Variants in PCDHGB1 observed in about 807,000 individuals in gnomAD.
PCDHGB1 encodes the protein protocadherin gamma subfamily B, 1, also known as protocadherin gamma-B1.
Under a neutral mutation model 56.6 loss-of-function variants are expected in PCDHGB1, and 34 were observed. The ratio of observed to expected loss-of-function variants is 0.60; its 90% CI spans 0.46 to 0.80. The LOEUF is 0.80. Ranked by LOEUF, PCDHGB1 falls within the 30% of genes least tolerant of loss-of-function variation. The pLI, the probability that PCDHGB1 is intolerant of heterozygous loss-of-function variation, is 0.00. For synonymous variants in PCDHGB1, 561 were observed against 505.9 expected (o/e 1.11, Z -1.46); for missense variants, 1,278 against 1,204.6 (o/e 1.06, Z -0.90).
At chr5:141,392,721 G>A (rs1169584002) in intron 1 of PCDHGB1, 25 of 1,390,348 alleles carry the variant, frequency 1.8e-5, no homozygotes, top group South Asian at 3.2e-5. Context: ...CAGGTTTCCG[G>A]AGGATTGTCA....
chr5:141,476,225 A>G lies in PCDHGB1; in HGVS notation c.2410-18582A>G, dbSNP rs1414835001. ...GGCTTCCACGGTCATTCACTATGAG[A>G]TCCCGGAGGAAAGAGAGAAGGGTTT... On this transcript the variant is annotated intron_variant, in intron 1 of 3. Transcript: ENST00000523390. This position sits in a 1 kb window ranked among gnomAD's most constrained non-coding sequence, Gnocchi z 7.6. 3 of 1,613,882 alleles carry G rather than the reference A, an allele frequency of 1.9e-6. No homozygotes were observed. The highest frequency in any genetic ancestry group is 2.5e-6 in the Non-Finnish European group (3 of 1,180,012).
chr5:141,367,606 T>A (rs1765261229), intron 1 of PCDHGB1: 1 of 152,056 alleles, frequency 6.6e-6, no homozygotes, highest in African/African-American at 2.4e-5. Context: ...ATATTAATGA[T>A]AACATGTAGC....
chr5:141,430,413 A>G lies in PCDHGB1; in HGVS notation c.2410-64394A>G, dbSNP rs1437560579. ...AAAAAAAAAGCTCACTAAAGTTTCTATTAAAGCGAATACGGTAGATTTCCA... is the reference window on the plus strand; with the variant it reads ...AAAAAAAAAGCTCACTAAAGTTTCTGTTAAAGCGAATACGGTAGATTTCCA... On this transcript the variant is annotated intron_variant, in intron 1 of 3. Coordinates refer to ENST00000523390, the MANE Select transcript of PCDHGB1 (RefSeq NM_018922.3). Among the ~76,000 whole-genome samples the G allele has an allele frequency of 2.0e-5, 3 of 151,870 alleles. No homozygotes were observed. In the South Asian group the frequency reaches 6.2e-4, roughly 31 times the overall value.
intron 1 of PCDHGB1, chr5:141,418,890 G>A (rs1449142412): frequency 1.9e-6 from 3 of 1,613,934 alleles, no homozygotes; most frequent in Non-Finnish European, 2.5e-6. Flanking sequence ...AACGACAACA[G>A]CCCAGAAATA....
chr5:141,354,460 C>T (rs1759547472), intron 1 of PCDHGB1, among the ~76,000 whole-genome samples: 2 of 152,210 alleles, frequency 1.3e-5, no homozygotes, highest in African/African-American at 4.8e-5. Context: ...TTGTCAATCT[C>T]ATTTGTACAG....
At chr5:141,467,630 T>A (rs1483747040) in intron 1 of PCDHGB1, among the ~76,000 whole-genome samples, 2 of 152,194 alleles carry the variant, frequency 1.3e-5, no homozygotes, top group African/African-American at 4.8e-5. Flanking sequence ...TGAGATAGCA[T>A]CTTTATCATG....
intron 1 of PCDHGB1, chr5:141,356,584 C>G: frequency 6.2e-7 from 1 of 1,614,182 alleles, no homozygotes; most frequent in Non-Finnish European, 8.5e-7. Context: ...TGCTTACATT[C>G]CTGAAAACAA....
chr5:141,413,272 C>T lies in PCDHGB1; in HGVS notation c.2409+60603C>T, dbSNP rs753942667. Reference sequence around the variant, plus strand: ...CGGGATTCCATGGGAGGCTGGAGCCCGGCAGATCTCCTACTCAATTCCTGA... The same window carrying T: ...CGGGATTCCATGGGAGGCTGGAGCCTGGCAGATCTCCTACTCAATTCCTGA... On this transcript the variant is annotated intron_variant, in intron 1 of 3. Coordinates refer to ENST00000523390, the MANE Select transcript of PCDHGB1 (RefSeq NM_018922.3). 8.1e-6 allele frequency: 13 copies of T among 1,613,944 alleles called. No individual in the cohort carries two copies. In the South Asian group the frequency reaches 1.4e-4, roughly 18 times the overall value.
rs762914864 is a variant in PCDHGB1 at position 141,352,412 on chromosome 5, G to T, written c.2152G>T (p.Asp718Tyr). The T allele has an allele frequency of 1.7e-5, 28 of 1,613,880 alleles. No homozygotes were observed. The highest frequency in any genetic ancestry group is 2.4e-5 in the Non-Finnish European group (28 of 1,179,900). Residue 718 changes from aspartate (D) to tyrosine (Y), a missense_variant, in exon 1 of 4, where the codon GAC (aspartate) becomes TAC (tyrosine). By Grantham distance (160) the Asp-to-Tyr change is radical. Coordinates refer to ENST00000523390, the MANE Select transcript of PCDHGB1 (RefSeq NM_018922.3). The stretch of plus-strand genomic sequence containing the variant: ...GCGCCTGCGACGTTCCTCCAGCCTC[G>T]ACACTGAGGGCTGCTTTCAAACCGG... Reference protein sequence around the residue: ...ALRLRRSSSLDTEGCFQTGLC... With the variant: ...ALRLRRSSSLYTEGCFQTGLC...
At chr5:141,383,757 T>A (rs557236350) in intron 1 of PCDHGB1, 1 of 1,613,992 alleles carries the variant, frequency 6.2e-7, no homozygotes, top group East Asian at 2.2e-5. Context: ...AAATAACTCC[T>A]AAACTTCCAA....
In PCDHGB1 at chr5:141,384,438, C is replaced by G. The variant is rs758290868; in HGVS notation, c.2409+31769C>G. The G allele has an allele frequency of 4.6e-5, 74 of 1,613,902 alleles. No homozygotes were observed. In the South Asian group the frequency reaches 7.5e-4, roughly 16 times the overall value. Reference sequence around the variant, plus strand: ...TCTCCATAAACTCTGACACTGGAGTCCTGTACGCGCTGCAATCCTTTGATT... The same window carrying G: ...TCTCCATAAACTCTGACACTGGAGTGCTGTACGCGCTGCAATCCTTTGATT... On this transcript the variant is annotated intron_variant, in intron 1 of 3. Coordinates refer to ENST00000523390, the MANE Select transcript of PCDHGB1 (RefSeq NM_018922.3).
rs372994272 is a variant in PCDHGB1, at chr5:141,485,358, G to C, written c.2410-9449G>C. On this transcript the variant is annotated intron_variant, in intron 1 of 3. Coordinates refer to ENST00000523390, the MANE Select transcript of PCDHGB1 (RefSeq NM_018922.3). This position sits in a 1 kb window ranked among gnomAD's most constrained non-coding sequence, Gnocchi z 5.7. ...CTGGATACGGACAGTCTGTCAGCTC[G>C]CAGGCTGCAGGTCGCTGGAGAGGTG... is the stretch of plus-strand genomic sequence containing the variant. 3.1e-6 allele frequency: 5 copies of C among 1,613,982 alleles called. No homozygotes were observed. Among genetic ancestry groups the C allele is most frequent in the Non-Finnish European group, 4.2e-6 (5 of 1,180,014 alleles).
At chr5:141,414,947 T>C (rs1422289231) in intron 1 of PCDHGB1, 1 of 1,614,052 alleles carries the variant, frequency 6.2e-7, no homozygotes, top group Non-Finnish European at 8.5e-7. Context: ...CCCGGCTACC[T>C]GGTGACCAAG....
chr5:141,376,222 G>T (rs1485996653), intron 1 of PCDHGB1: 2 of 1,614,068 alleles, frequency 1.2e-6, no homozygotes, highest in East Asian at 2.2e-5. Flanking sequence ...TGCTGCTGGC[G>T]CTCAGACTGC....
chr5:141,412,559 G>C (rs1408913988), intron 1 of PCDHGB1: 2 of 152,100 alleles, frequency 1.3e-5, no homozygotes, highest in African/African-American at 4.8e-5. Context: ...TATCTCATGA[G>C]TTTATTTAAT....
At chr5:141,418,530 G>T in intron 1 of PCDHGB1, 6 of 1,613,952 alleles carry the variant, frequency 3.7e-6, no homozygotes, top group Non-Finnish European at 5.1e-6. Flanking sequence ...CCCCGAAGCG[G>T]TACTGCTCAG....
intron 1 of PCDHGB1, chr5:141,357,295 G>T (rs774772455): frequency 6.2e-7 from 1 of 1,613,930 alleles, no homozygotes; most frequent in South Asian, 1.1e-5. Flanking sequence ...GGCAGTGGCC[G>T]CTGTCTCCTG....
intron 1 of PCDHGB1, chr5:141,408,785 T>C: frequency 6.2e-7 from 1 of 1,612,308 alleles, no homozygotes; most frequent in Non-Finnish European, 8.5e-7. Context: ...CCCAGAGTTA[T>C]CTCTGGAGAA....
intron 1 of PCDHGB1, among the ~76,000 whole-genome samples, chr5:141,470,598 G>A (rs2099234276): frequency 6.6e-6 from 1 of 152,184 alleles, no homozygotes; most frequent in Admixed American, 6.5e-5. Flanking sequence ...GGCGACCTGT[G>A]CGGGGACACA....
Sources: allele counts gnomAD v4.1 joint callset (sites outside exome capture counted in the v4.1 genomes callset), GRCh38; gene constraint gnomAD v4.1.1; non-coding constraint Gnocchi (gnomAD v3.1); transcripts MANE v1.5; gene names NCBI Gene and HGNC (gene_info 2026-07-23, HGNC 2026-07-21).